Variants in IFNL1 observed in about 807,000 individuals in gnomAD.
IFNL1 encodes interferon lambda 1.
Under a neutral mutation model 17.1 loss-of-function variants are expected in IFNL1, and 16 were observed. The ratio of observed to expected loss-of-function variants is 0.93; its 90% CI spans 0.63 to 1.42. IFNL1 has a LOEUF of 1.42. Among genes scored for constraint, IFNL1 ranks in the 40% most tolerant of loss-of-function variants. The probability of loss-of-function intolerance (pLI) is 0.00; values close to 1 mark genes in which losing one functional copy is unlikely to be tolerated. For synonymous variants in IFNL1, 104 were observed against 111.4 expected, an observed-to-expected ratio of 0.93 and a Z score of 0.42; for missense variants, 262 against 249.4, an observed-to-expected ratio of 1.05 and a Z score of -0.34.
At chr19:39,296,641 A>G (rs749671968) in intron 1 of IFNL1, 49 bp downstream of exon 1, 1 of 1,567,922 alleles carries the variant, frequency 6.4e-7, no homozygotes, top group Non-Finnish European at 8.7e-7. Context: ...TGTCCCAATT[A>G]CTGCCCTTCT....
chr19:39,298,192 A>T, intron 3 of IFNL1, 21 bp from the exon 4 acceptor site: 1 of 1,613,700 alleles, frequency 6.2e-7, no homozygotes, highest in African/African-American at 1.3e-5. Flanking sequence ...CGCCTCACAC[A>T]CCGCCCTCTT....
chr19:39,296,826 A>T lies in IFNL1; in HGVS notation c.193A>T (p.Asn65Tyr). 6.2e-7 allele frequency: 1 copy of T among 1,613,722 alleles called. No individual in the cohort carries two copies. Among genetic ancestry groups the T allele is most frequent in the Non-Finnish European group, 8.5e-7 (1 of 1,179,678 alleles). The change falls in exon 2 of 5, where the codon AAC (asparagine) becomes TAC (tyrosine). Residue 65 changes from asparagine (N) to tyrosine (Y), a missense_variant. Transcript: ENST00000333625. ...DALEESLKLK[N>Y]WSCSSPVFPG... ...CTAGGAAGAGTCACTCAAGCTGAAAAACTGGAGTTGCAGCTCTCCTGTCTT... is the reference window on the plus strand; with the variant it reads ...CTAGGAAGAGTCACTCAAGCTGAAATACTGGAGTTGCAGCTCTCCTGTCTT...
intron 2 of IFNL1, among the ~76,000 whole-genome samples, chr19:39,297,486 T>C (rs2075103234): frequency 6.6e-6 from 1 of 151,952 alleles, no homozygotes; most frequent in Non-Finnish European, 1.5e-5. Flanking sequence ...GCCCAGCTAA[T>C]TTTTGTATTT....
Position 39,296,442 on chromosome 19 carries a change from G to A in IFNL1, c.21G>A (p.Val7=), listed in dbSNP as rs1364929110. MAAAWT[V]VLVTLVLGLA... ...TAGCCATGGCTGCAGCTTGGACCGTGGTGCTGGTGACTTTGGTGCTAGGCT... is the reference window on the plus strand; with the variant it reads ...TAGCCATGGCTGCAGCTTGGACCGTAGTGCTGGTGACTTTGGTGCTAGGCT... The change falls in exon 1 of 5, where the codon GTG becomes GTA. Residue 7 remains valine, a synonymous_variant. Coordinates refer to ENST00000333625, the MANE Select transcript of IFNL1 (RefSeq NM_172140.2). The A allele has an allele frequency of 6.2e-6, 10 of 1,611,378 alleles. No individual in the cohort carries two copies. Among genetic ancestry groups the A allele is most frequent in the African/African-American group, 4.0e-5 (3 of 74,806 alleles).
At chr19:39,297,068 A>G (rs1337811951) in intron 2 of IFNL1, among the ~76,000 whole-genome samples, 186 bp downstream of exon 2, 3 of 151,164 alleles carry the variant, frequency 2.0e-5, no homozygotes, top group Non-Finnish European at 4.4e-5. Context: ...CCCTTTTATC[A>G]TCTCCCATCG....
intron 2 of IFNL1, among the ~76,000 whole-genome samples, chr19:39,297,414 G>C (rs182253189): frequency 7.4e-5 from 11 of 149,470 alleles, no homozygotes; most frequent in South Asian, 2.1e-4. Context: ...TGCCTCCCGG[G>C]TTCAAGCAAT....
intron 1 of IFNL1, 40 bp downstream of exon 1, chr19:39,296,632 G>A: frequency 1.3e-6 from 2 of 1,582,914 alleles, no homozygotes; most frequent in Non-Finnish European, 1.7e-6. Context: ...TTCTACGGGT[G>A]TCCCAATTAC....
chr19:39,296,804 G>A lies in IFNL1; in HGVS notation c.172-1G>A. On this transcript the variant is annotated splice_acceptor_variant, in intron 1 of 4. Transcript: ENST00000333625. LOFTEE classifies it high-confidence loss of function. ...GGCTAACCCCTGCCCTTGCTCTCTA[G>A]GAAGAGTCACTCAAGCTGAAAAACT... is the stretch of plus-strand genomic sequence containing the variant. 6.2e-7 allele frequency: 1 copy of A among 1,613,620 alleles called. No homozygotes were observed. The highest frequency in any genetic ancestry group is 8.5e-7 in the Non-Finnish European group (1 of 1,179,606).
chr19:39,297,811 T>C (rs1055289536), intron 2 of IFNL1, among the ~76,000 whole-genome samples, 153 bp from the exon 3 acceptor site: 3 of 151,814 alleles, frequency 2.0e-5, no homozygotes, highest in Non-Finnish European at 4.4e-5. Context: ...CTTCCTCATG[T>C]CTTCCCCCTC....
Position 39,298,626 on chromosome 19 carries a change from T to G in IFNL1, c.*110T>G. The G allele has an allele frequency of 7.5e-7, 1 of 1,341,568 alleles. No homozygotes were observed. The highest frequency in any genetic ancestry group is 1.9e-4 in the Middle Eastern group (1 of 5,324). The allele number at this position is 1,341,568 out of a possible 1,614,324, so 83.1% of individuals were successfully genotyped here. A position where few individuals can be genotyped will look rare whatever the true frequency, so the allele number is the denominator to read the frequency against. The stretch of plus-strand genomic sequence containing the variant: ...GACTGAGACATAGGGCTGAGTTTAT[T>G]GTTTTACTTTTATACATTATGCACA... On this transcript the variant is annotated 3_prime_UTR_variant, in exon 5 of 5. Transcript: ENST00000333625.
At chr19:39,297,604 G>A (rs1019239381) in intron 2 of IFNL1, among the ~76,000 whole-genome samples, 1 of 152,068 alleles carries the variant, frequency 6.6e-6, no homozygotes, top group Non-Finnish European at 1.5e-5. Context: ...ACAGGCGTGA[G>A]CCACCACACC....
chr19:39,296,648 T>C, intron 1 of IFNL1, 56 bp downstream of exon 1: 1 of 1,543,528 alleles, frequency 6.5e-7, no homozygotes, highest in Non-Finnish European at 8.9e-7. Context: ...ATTACTGCCC[T>C]TCTACTGTGG....
rs2075105489 is a variant in IFNL1 at position 39,298,023 on chromosome 19, G to A, written c.309G>A (p.Glu103=). 3 of 1,614,084 alleles carry A rather than the reference G, an allele frequency of 1.9e-6. No individual in the cohort carries two copies. The highest frequency in any genetic ancestry group is 2.5e-6 in the Non-Finnish European group (3 of 1,180,052). Residue 103 remains glutamate (E), a synonymous_variant, in exon 3 of 5, where the codon GAG becomes GAA. Transcript: ENST00000333625. The stretch of plus-strand genomic sequence containing the variant: ...TGGCCCTGACGCTGAAGGTCCTGGA[G>A]GCCGCTGCTGGCCCAGCCCTGGAGG... The part of the protein sequence containing the change: ...AELALTLKVL[E]AAAGPALEDV...
In IFNL1 at chr19:39,298,077, G is replaced by A. The variant is rs2075105704; in HGVS notation, c.363G>A (p.Leu121=). Reference sequence around the variant, plus strand: ...TCCTAGACCAGCCCCTTCACACCCTGCACCACATCCTCTCCCAGCTCCAGG... The same window carrying A: ...TCCTAGACCAGCCCCTTCACACCCTACACCACATCCTCTCCCAGCTCCAGG... ...EDVLDQPLHT[L]HHILSQLQAC... Residue 121 remains leucine (L), a synonymous_variant, in exon 3 of 5, where the codon CTG becomes CTA. Coordinates refer to ENST00000333625, the MANE Select transcript of IFNL1 (RefSeq NM_172140.2). The A allele has an allele frequency of 1.2e-6, 2 of 1,614,118 alleles. No individual in the cohort carries two copies. The highest frequency in any genetic ancestry group is 1.7e-6 in the Non-Finnish European group (2 of 1,179,988).
chr19:39,296,745 C>T (rs1164403288), intron 1 of IFNL1, 60 bp from the exon 2 acceptor site: 2 of 1,528,878 alleles, frequency 1.3e-6, no homozygotes, highest in Non-Finnish European at 1.8e-6. Flanking sequence ...TTCATCCTTG[C>T]TGCTATGAGC....
chr19:39,298,112 G>A lies in IFNL1; in HGVS notation c.393+5G>A. The stretch of plus-strand genomic sequence containing the variant: ...CTCTCCCAGCTCCAGGCCTGTGTGA[G>A]TCCTTGGGGCCCGGGCACCCAGGTC... On this transcript the variant is annotated splice_donor_5th_base_variant and intron_variant, in intron 3 of 4. Transcript: ENST00000333625. 1 of 1,613,166 alleles carries A rather than the reference G, an allele frequency of 6.2e-7. No homozygotes were observed. The highest frequency in any genetic ancestry group is 1.3e-5 in the African/African-American group (1 of 75,042).
At chr19:39,297,837 C>T in intron 2 of IFNL1, 127 bp from the exon 3 acceptor site, 1 of 1,197,480 alleles carries the variant, frequency 8.4e-7, no homozygotes, top group Non-Finnish European at 1.2e-6. Flanking sequence ...TCCTTCTCCC[C>T]AGACCCCTCA....
chr19:39,297,755 C>T (rs1488841195), intron 2 of IFNL1, among the ~76,000 whole-genome samples: 2 of 150,890 alleles, frequency 1.3e-5, no homozygotes, highest in East Asian at 4.0e-4. Context: ...CTCCATTTCA[C>T]TTATCCCCTC....
Position 39,296,453 on chromosome 19 carries a change from CT to C in IFNL1, c.35del (p.Leu12TrpfsTer3), listed in dbSNP as rs1568564461. On this transcript the variant is annotated frameshift_variant, in exon 1 of 5. Transcript: ENST00000333625. LOFTEE classifies it high-confidence loss of function. ...GCAGCTTGGACCGTGGTGCTGGTGA[CT>C]TTGGTGCTAGGCTTGGCCGTGGCAG... Reference protein sequence around the residue: MAAAWTVVLVTLVLGLAVAGP... With the variant: MAAAWTVVLVXLVLGLAVAGP... The C allele has an allele frequency of 1.2e-6, 2 of 1,612,014 alleles. No homozygotes were observed. The highest frequency in any genetic ancestry group is 4.5e-5 in the East Asian group (2 of 44,874).
Sources: allele counts gnomAD v4.1 joint callset (sites outside exome capture counted in the v4.1 genomes callset), GRCh38; gene constraint gnomAD v4.1.1; transcripts MANE v1.5; gene names NCBI Gene and HGNC (gene_info 2026-07-23, HGNC 2026-07-21).